The following MAST4 variants were observed in gnomAD, a reference collection of about 807,000 sequenced individuals.
MAST4 encodes microtubule associated serine/threonine kinase family member 4, also known as microtubule-associated serine/threonine-protein kinase 4.
In MAST4, 89 loss-of-function variants were observed where a neutral mutation model predicts 162.7. That is an observed-to-expected ratio of 0.55 (90% CI 0.46 to 0.65). MAST4 has a LOEUF of 0.65. Among genes scored for constraint, MAST4 ranks in the 30% least tolerant of loss-of-function variants. The probability of loss-of-function intolerance (pLI) is 0.00; values close to 1 mark genes in which losing one functional copy is unlikely to be tolerated. For synonymous variants in MAST4, 1,479 were observed against 1,361.1 expected (o/e 1.09, Z -1.91); for missense variants, 3,153 against 3,374.0 (o/e 0.93, Z 1.62).
intron 5 of MAST4, among the ~76,000 whole-genome samples, chr5:67,063,956 A>C (rs1297992422): frequency 6.6e-6 from 1 of 152,222 alleles, no homozygotes; most frequent in Non-Finnish European, 1.5e-5. Flanking sequence ...AAAATGAATC[A>C]GAGGTCATAC....
chr5:67,099,225 T>C (rs931196968), intron 7 of MAST4, among the ~76,000 whole-genome samples: 5 of 152,116 alleles, frequency 3.3e-5, no homozygotes, highest in African/African-American at 1.2e-4. Context: ...GTTTTATTTC[T>C]TTTTTCTTAG....
At chr5:66,885,195 G>A (rs27876) in intron 3 of MAST4, among the ~76,000 whole-genome samples, 69,192 of 151,956 alleles carry the variant, frequency 0.46, 16,199 homozygotes, top group East Asian at 0.66. Context: ...GCCATGCAGT[G>A]TGATATGGTG....
intron 23 of MAST4, among the ~76,000 whole-genome samples, chr5:67,147,908 G>T (rs183369627): frequency 5.3e-5 from 8 of 152,278 alleles, no homozygotes; most frequent in African/African-American, 1.9e-4. Flanking sequence ...ATCTTTTCCT[G>T]TACATATGCA....
intron 5 of MAST4, among the ~76,000 whole-genome samples, chr5:67,081,679 T>G (rs975321648): frequency 1.3e-5 from 2 of 152,200 alleles, no homozygotes; most frequent in African/African-American, 4.8e-5. Flanking sequence ...GTAAGACAAC[T>G]GCACTTGCAC....
intron 13 of MAST4, among the ~76,000 whole-genome samples, chr5:67,120,478 CT>C (rs1481330521): frequency 6.6e-6 from 1 of 152,090 alleles, no homozygotes; most frequent in African/African-American, 2.4e-5. Flanking sequence ...AAAGAGCTGT[CT>C]TTTTGAAACT....
At chr5:66,823,893 T>C (rs1347499989) in intron 3 of MAST4, among the ~76,000 whole-genome samples, 2 of 152,228 alleles carry the variant, frequency 1.3e-5, no homozygotes, top group African/African-American at 4.8e-5. Context: ...ACAGCTGTGT[T>C]GCTCTTTGGC....
intron 4 of MAST4, among the ~76,000 whole-genome samples, chr5:66,943,560 A>G (rs1743613482): frequency 6.6e-6 from 1 of 152,178 alleles, no homozygotes; most frequent in Non-Finnish European, 1.5e-5. Context: ...TTAAGATAGT[A>G]GCAAATTTCA....
intron 3 of MAST4, among the ~76,000 whole-genome samples, chr5:66,841,884 T>C (rs536271317): frequency 1.3e-4 from 20 of 152,328 alleles, no homozygotes; most frequent in Admixed American, 4.6e-4. Context: ...AGCTGAGTTT[T>C]CCATGCCTAG....
intron 5 of MAST4, among the ~76,000 whole-genome samples, chr5:67,069,151 A>G (rs1000667692): frequency 8.6e-5 from 13 of 151,918 alleles, no homozygotes; most frequent in Non-Finnish European, 1.0e-4. Flanking sequence ...CTCATCTTTT[A>G]TCCTTAGATA....
chr5:66,800,940 C>T (rs966568987), intron 3 of MAST4, among the ~76,000 whole-genome samples: 2 of 152,074 alleles, frequency 1.3e-5, no homozygotes, highest in South Asian at 2.1e-4. Context: ...TACCACACTA[C>T]CTGTATATTT....
At chr5:66,986,811 T>C (rs1581115259) in intron 4 of MAST4, among the ~76,000 whole-genome samples, 1 of 151,834 alleles carries the variant, frequency 6.6e-6, no homozygotes, top group African/African-American at 2.4e-5. Context: ...AGGGTCTCGC[T>C]ATGTTGGTCA....
chr5:66,894,546 C>A (rs1322325533), intron 3 of MAST4, among the ~76,000 whole-genome samples: 1 of 152,206 alleles, frequency 6.6e-6, no homozygotes, highest in East Asian at 1.9e-4. Flanking sequence ...CCTTACACAT[C>A]TTGGCTTCTT....
intron 5 of MAST4, among the ~76,000 whole-genome samples, chr5:67,085,217 C>G (rs1763103907): frequency 6.6e-6 from 1 of 152,094 alleles, no homozygotes; most frequent in Admixed American, 6.5e-5. Flanking sequence ...GTTCTTTTCC[C>G]CTTTATTCCA....
chr5:66,979,779 C>T (rs1748559920), intron 4 of MAST4, among the ~76,000 whole-genome samples: 1 of 152,170 alleles, frequency 6.6e-6, no homozygotes, highest in Non-Finnish European at 1.5e-5. Context: ...TAGAAAATGT[C>T]ATTGAACTTT....
chr5:67,162,845 G>A lies in MAST4; in HGVS notation c.3967+57G>A, dbSNP rs190271211. The A allele has an allele frequency of 2.2e-5, 33 of 1,519,358 alleles. No individual in the cohort carries two copies. The Admixed American group carries it at 6.6e-4, about 30-fold the overall frequency. The allele number at this position is 1,519,358 out of a possible 1,614,324, so 94.1% of individuals were successfully genotyped here. A position where few individuals can be genotyped will look rare whatever the true frequency, so the allele number is the denominator to read the frequency against. ...GGGAGGGGAGGTAAAGTCATGTGAGGTCCCCAAAAAACATGAAGCTTGTTC... is the reference window on the plus strand; with the variant it reads ...GGGAGGGGAGGTAAAGTCATGTGAGATCCCCAAAAAACATGAAGCTTGTTC... On this transcript the variant is annotated intron_variant, in intron 28 of 28. Transcript: ENST00000403625.
intron 4 of MAST4, chr5:66,986,517 A>G (rs776289928): frequency 1.9e-6 from 3 of 1,539,884 alleles, no homozygotes; most frequent in Non-Finnish European, 1.8e-6. Context: ...AACATATCCA[A>G]AGCTCATATT....
At chr5:66,950,294 C>T (rs1744526137) in intron 4 of MAST4, among the ~76,000 whole-genome samples, 1 of 151,122 alleles carries the variant, frequency 6.6e-6, no homozygotes, top group Non-Finnish European at 1.5e-5. Flanking sequence ...TTTGTTTTAG[C>T]CATTTTTAAG....
intron 4 of MAST4, among the ~76,000 whole-genome samples, chr5:66,903,130 G>C (rs899536388): frequency 6.6e-6 from 1 of 152,022 alleles, no homozygotes; most frequent in East Asian, 1.9e-4. Context: ...CTGAATACAG[G>C]CATTTACAGT....
intron 1 of MAST4, among the ~76,000 whole-genome samples, chr5:66,730,380 C>T (rs531158023): frequency 6.6e-6 from 1 of 152,248 alleles, no homozygotes; most frequent in South Asian, 2.1e-4. Context: ...ATACATTCCC[C>T]CCAACCCCCT....
Sources: allele counts gnomAD v4.1 joint callset (sites outside exome capture counted in the v4.1 genomes callset), GRCh38; gene constraint gnomAD v4.1.1; transcripts MANE v1.5; gene names NCBI Gene and HGNC (gene_info 2026-07-23, HGNC 2026-07-21).